STK31: variants seen among roughly 807,000 people sequenced by gnomAD.
STK31 encodes serine/threonine-protein kinase 31.
Under a neutral mutation model 129.7 loss-of-function variants are expected in STK31, and 89 were observed. The ratio of observed to expected loss-of-function variants is 0.69; its 90% CI spans 0.58 to 0.82. STK31 has a LOEUF of 0.82. STK31 is among the 40% of genes least tolerant of loss of function. The pLI, the probability that STK31 is intolerant of heterozygous loss-of-function variation, is 0.00. For synonymous variants in STK31, 448 were observed against 395.3 expected (o/e 1.13, Z -1.58); for missense variants, 1,187 against 1,176.4 (o/e 1.01, Z -0.13).
intron 22 of STK31, among the ~76,000 whole-genome samples, chr7:23,810,770 AAT>A (rs1307881208): frequency 1.9e-5 from 2 of 107,012 alleles, no homozygotes; most frequent in Non-Finnish European, 3.7e-5. Context: ...ATAATATATA[AAT>A]ATATATTATA....
chr7:23,800,557 A>G (rs550457705), intron 22 of STK31, among the ~76,000 whole-genome samples: 1 of 152,092 alleles, frequency 6.6e-6, no homozygotes, highest in Admixed American at 6.5e-5. Flanking sequence ...ATGAGAACAT[A>G]TGGACACAGG....
At chr7:23,768,962 A>C in intron 11 of STK31, 33 bp from the exon 12 acceptor site, 2 of 1,495,924 alleles carry the variant, frequency 1.3e-6, no homozygotes, top group South Asian at 1.5e-5. Context: ...TTAGTTAATA[A>C]ACTTTAATAA....
At chr7:23,740,769 G>C (rs535562802) in intron 8 of STK31, among the ~76,000 whole-genome samples, 1 of 152,168 alleles carries the variant, frequency 6.6e-6, no homozygotes, top group Non-Finnish European at 1.5e-5. Flanking sequence ...CCTTGCGATA[G>C]TTTGCTGAGA....
At chr7:23,765,558 CTTT>C (rs10677070) in intron 11 of STK31, among the ~76,000 whole-genome samples, 2 of 129,606 alleles carry the variant, frequency 1.5e-5, no homozygotes, top group African/African-American at 2.9e-5. Flanking sequence ...ACCTCTTATA[CTTT>C]TTTTTTTTTT....
intron 8 of STK31, among the ~76,000 whole-genome samples, chr7:23,752,430 A>G (rs1788769043): frequency 6.6e-6 from 1 of 151,450 alleles, no homozygotes; most frequent in Non-Finnish European, 1.5e-5. Flanking sequence ...CCTCGCTGCA[A>G]CCTCTGCCTC....
intron 22 of STK31, among the ~76,000 whole-genome samples, chr7:23,794,061 G>A (rs1472568190): frequency 6.6e-6 from 1 of 152,138 alleles, no homozygotes. Flanking sequence ...TAAAACGATT[G>A]AACTATAAAT....
chr7:23,761,895 C>T (rs1354157051), intron 10 of STK31, among the ~76,000 whole-genome samples: 3 of 149,080 alleles, frequency 2.0e-5, no homozygotes, highest in Non-Finnish European at 4.5e-5. Flanking sequence ...TCTGGTTGAG[C>T]TTATGCAAGA....
At chr7:23,726,722 G>A (rs1010353424) in intron 4 of STK31, among the ~76,000 whole-genome samples, 5 of 151,870 alleles carry the variant, frequency 3.3e-5, no homozygotes, top group Admixed American at 1.3e-4. Context: ...CAGTATTAAA[G>A]ATATTATCTA....
intron 15 of STK31, among the ~76,000 whole-genome samples, chr7:23,780,493 A>G (rs1361830326): frequency 6.6e-6 from 1 of 152,148 alleles, no homozygotes; most frequent in East Asian, 1.9e-4. Flanking sequence ...AAGAAATTTT[A>G]AAAAGATGTG....
chr7:23,726,891 A>G (rs561864662), intron 4 of STK31, among the ~76,000 whole-genome samples: 7 of 152,208 alleles, frequency 4.6e-5, no homozygotes, highest in African/African-American at 9.6e-5. Flanking sequence ...AATTGTACCA[A>G]TTATCGCCTC....
chr7:23,721,098 A>C (rs1240564655), intron 4 of STK31, among the ~76,000 whole-genome samples: 2 of 152,242 alleles, frequency 1.3e-5, no homozygotes, highest in African/African-American at 4.8e-5. Context: ...CTCTGAGCTA[A>C]AACAGCATTC....
intron 6 of STK31, among the ~76,000 whole-genome samples, chr7:23,730,550 A>G (rs1379995728): frequency 6.6e-6 from 1 of 152,072 alleles, no homozygotes; most frequent in Non-Finnish European, 1.5e-5. Context: ...AAACTCTAAA[A>G]TCTTGTTTAC....
At chr7:23,744,398 C>T (rs1454971649) in intron 8 of STK31, among the ~76,000 whole-genome samples, 1 of 151,318 alleles carries the variant, frequency 6.6e-6, no homozygotes, top group African/African-American at 2.4e-5. Flanking sequence ...TTTTATCTCA[C>T]TGAACTTATT....
At chr7:23,789,033 T>G (rs1791464441) in intron 21 of STK31, among the ~76,000 whole-genome samples, 2 of 152,266 alleles carry the variant, frequency 1.3e-5, no homozygotes, top group Middle Eastern at 3.4e-3. Flanking sequence ...TATTTGGACA[T>G]CTCATGTAAA....
In STK31 at chr7:23,727,307, G is replaced by A. The variant is rs150391003; in HGVS notation, c.316G>A (p.Val106Ile). 7.4e-6 allele frequency: 12 copies of A among 1,613,044 alleles called. No homozygotes were observed. Among genetic ancestry groups the A allele is most frequent in the African/African-American group, 5.3e-5 (4 of 74,930 alleles). The change falls in exon 5 of 24, where the codon GTT becomes ATT. Residue 106 changes from valine (V) to isoleucine (I), a missense_variant. Transcript: ENST00000355870. The stretch of plus-strand genomic sequence containing the variant: ...ATGCAAAGTACTGAAAATCATCAGC[G>A]TTGAAAAGGCAGGAAATTAAGTGTT... ...YRCKVLKIIS[V>I]EKCLVRYIDY...
At chr7:23,766,490 G>T (rs1789840975) in intron 11 of STK31, among the ~76,000 whole-genome samples, 2 of 152,222 alleles carry the variant, frequency 1.3e-5, no homozygotes, top group African/African-American at 4.8e-5. Flanking sequence ...CTGACCTCGA[G>T]TGATCCGCCT....
chr7:23,726,608 C>T (rs1787098357), intron 4 of STK31, among the ~76,000 whole-genome samples: 1 of 149,620 alleles, frequency 6.7e-6, no homozygotes. Context: ...CAGAATGAGA[C>T]CCTGTCTCAA....
At chr7:23,773,605 C>G (rs1405296333) in intron 15 of STK31, among the ~76,000 whole-genome samples, 1 of 151,950 alleles carries the variant, frequency 6.6e-6, no homozygotes, top group South Asian at 2.1e-4. Context: ...CTAGATCCTT[C>G]AGGAATTGCC....
rs965467167 is a variant in STK31 at position 23,801,766 on chromosome 7, C to G, written c.2760+10820C>G. Reference sequence around the variant, plus strand: ...GTTCATGTTTTTGCATATGGATGTCCAATTTTACAACACCATTTTTTTAAG... The same window carrying G: ...GTTCATGTTTTTGCATATGGATGTCGAATTTTACAACACCATTTTTTTAAG... On this transcript the variant is annotated intron_variant, in intron 22 of 23. Transcript: ENST00000355870. 2.6e-5 allele frequency among the ~76,000 whole-genome samples: 4 copies of G among 151,360 alleles called. No homozygotes were observed. The South Asian group carries it at 8.4e-4, about 32-fold the overall frequency.
Sources: gnomAD v4.1 joint callset for allele counts (sites outside exome capture counted in the v4.1 genomes callset) on GRCh38, gnomAD v4.1.1 for gene constraint, MANE v1.5 for transcripts, NCBI Gene and HGNC (gene_info 2026-07-23, HGNC 2026-07-21) for gene names.